The following PLCXD3 variants were observed in gnomAD, a reference collection of about 807,000 sequenced individuals.
PLCXD3 encodes phosphatidylinositol specific phospholipase C X domain containing 3.
A neutral mutation model predicts 25.5 loss-of-function variants in PLCXD3; 19 were observed. The observed-to-expected ratio is 0.75, with a 90% CI of 0.52 to 1.09. PLCXD3 has a LOEUF of 1.09. PLCXD3 is among the 50% of genes least tolerant of loss of function. PLCXD3 has a pLI of 0.00. For synonymous variants in PLCXD3, 174 were observed against 137.6 expected (o/e 1.26, Z -1.85); for missense variants, 411 against 388.1 (o/e 1.06, Z -0.50).
At chr5:41,488,673 T>C (rs1406494217) in intron 1 of PLCXD3, among the ~76,000 whole-genome samples, 3 of 146,976 alleles carry the variant, frequency 2.0e-5, no homozygotes, top group Non-Finnish European at 3.0e-5. Flanking sequence ...ATTTCTCTGA[T>C]GGCCAGTGAT....
At chr5:41,414,229 T>A (rs201451069) in intron 1 of PLCXD3, among the ~76,000 whole-genome samples, 592 of 142,356 alleles carry the variant, frequency 4.2e-3, no homozygotes, top group East Asian at 0.01. Context: ...TTTTTTTTTT[T>A]AATTATTTAT....
At chr5:41,434,957 C>T (rs1747213024) in intron 1 of PLCXD3, among the ~76,000 whole-genome samples, 1 of 152,096 alleles carries the variant, frequency 6.6e-6, no homozygotes, top group Non-Finnish European at 1.5e-5. Context: ...AATTTTAATG[C>T]TAGCACACGC....
intron 1 of PLCXD3, among the ~76,000 whole-genome samples, chr5:41,489,770 T>G (rs2150525144): frequency 6.6e-6 from 1 of 152,002 alleles, no homozygotes; most frequent in African/African-American, 2.4e-5. Flanking sequence ...CTTGTGATTT[T>G]TGTACATTGA....
At chr5:41,343,604 A>C (rs1017133465) in intron 2 of PLCXD3, among the ~76,000 whole-genome samples, 2 of 152,106 alleles carry the variant, frequency 1.3e-5, no homozygotes, top group Non-Finnish European at 2.9e-5. Context: ...GTTTGTGTCT[A>C]CATCTTGAAC....
At chr5:41,316,096 AC>A (rs1276504043) in intron 2 of PLCXD3, among the ~76,000 whole-genome samples, 3 of 151,860 alleles carry the variant, frequency 2.0e-5, no homozygotes, top group East Asian at 1.9e-4. Context: ...TTCAAAAGAG[AC>A]CCCCTTCTTC....
intron 1 of PLCXD3, among the ~76,000 whole-genome samples, chr5:41,467,813 T>C (rs574654739): frequency 6.6e-6 from 1 of 152,248 alleles, no homozygotes; most frequent in East Asian, 1.9e-4. Context: ...ATTGAAGAAA[T>C]AGTCCTGTTC....
At chr5:41,474,626 C>T (rs1476902594) in intron 1 of PLCXD3, among the ~76,000 whole-genome samples, 1 of 152,142 alleles carries the variant, frequency 6.6e-6, no homozygotes, top group Non-Finnish European at 1.5e-5. Flanking sequence ...CCCTGATTCT[C>T]TCACTTCTCC....
intron 2 of PLCXD3, among the ~76,000 whole-genome samples, chr5:41,335,133 A>T (rs1743943737): frequency 6.6e-6 from 1 of 152,192 alleles, no homozygotes; most frequent in South Asian, 2.1e-4. Context: ...TGCACGGGGA[A>T]TTTGGGTACT....
intron 1 of PLCXD3, among the ~76,000 whole-genome samples, chr5:41,387,107 G>A (rs1261164687): frequency 6.6e-6 from 1 of 152,040 alleles, no homozygotes; most frequent in Middle Eastern, 3.2e-3. Context: ...TTGACAGTTA[G>A]TTTGCAGGCC....
intron 2 of PLCXD3, among the ~76,000 whole-genome samples, chr5:41,346,984 A>T (rs147306205): frequency 1.3e-5 from 2 of 152,312 alleles, no homozygotes; most frequent in East Asian, 3.9e-4. Context: ...AGGTTTTTGT[A>T]TGGATATAAG....
At position 41,509,729 on chromosome 5, in the gene PLCXD3, C is replaced by A. The variant is rs80055219; in HGVS notation, c.103+695G>T. 5.7e-3 allele frequency among the ~76,000 whole-genome samples: 872 copies of A among 152,284 alleles called. 5 individuals are homozygous for A. Among genetic ancestry groups the A allele is most frequent in the Non-Finnish European group, 9.5e-3 (644 of 68,028 alleles). ...CAAGGGTTTGCTTTTTTGACCTGGGCGAAGTGTGTTGCCAACACGCACTTG... is the reference window on the plus strand; with the variant it reads ...CAAGGGTTTGCTTTTTTGACCTGGGAGAAGTGTGTTGCCAACACGCACTTG... On this transcript the variant is annotated intron_variant, in intron 1 of 2. Transcript: ENST00000377801.
chr5:41,423,983 T>G (rs111265083), intron 1 of PLCXD3, among the ~76,000 whole-genome samples: 62 of 152,254 alleles, frequency 4.1e-4, no homozygotes, highest in African/African-American at 1.4e-3. Flanking sequence ...TAAGACCAAC[T>G]CTTCAAGCAC....
chr5:41,324,958 T>A (rs1743583247), intron 2 of PLCXD3, among the ~76,000 whole-genome samples: 4 of 152,156 alleles, frequency 2.6e-5, no homozygotes, highest in Admixed American at 2.6e-4. Flanking sequence ...CATGGGAGGT[T>A]CCTGAGCAAC....
At chr5:41,395,671 T>G (rs1166890517) in intron 1 of PLCXD3, among the ~76,000 whole-genome samples, 1 of 152,072 alleles carries the variant, frequency 6.6e-6, no homozygotes, top group Non-Finnish European at 1.5e-5. Flanking sequence ...GCAGCTACTA[T>G]GAGCAACTAT....
chr5:41,411,730 T>G (rs1307605855), intron 1 of PLCXD3, among the ~76,000 whole-genome samples: 1 of 147,076 alleles, frequency 6.8e-6, no homozygotes, highest in Non-Finnish European at 1.5e-5. Flanking sequence ...TTTTTATAAT[T>G]TTATATTTTA....
In PLCXD3 at chr5:41,318,161, C is replaced by T. The variant is rs79808433; in HGVS notation, c.813-4391G>A. Among the ~76,000 whole-genome samples, 1,307 of 152,182 alleles carry T rather than the reference C, an allele frequency of 8.6e-3. 13 individuals are homozygous for T. The highest frequency in any genetic ancestry group is 0.03 in the African/African-American group (1,228 of 41,532). On this transcript the variant is annotated intron_variant, in intron 2 of 2. Coordinates refer to ENST00000377801, the MANE Select transcript of PLCXD3 (RefSeq NM_001005473.3). ...ACAAAAGCTGAGGGATTTCATCAAT[C>T]CCAGACCCGCCCCACAAGAAATGTT...
At chr5:41,476,780 G>A (rs1748292999) in intron 1 of PLCXD3, among the ~76,000 whole-genome samples, 1 of 152,168 alleles carries the variant, frequency 6.6e-6, no homozygotes, top group African/African-American at 2.4e-5. Flanking sequence ...CCAACACAAA[G>A]AGCAATTACT....
At chr5:41,324,647 A>C (rs994264264) in intron 2 of PLCXD3, among the ~76,000 whole-genome samples, 2 of 152,190 alleles carry the variant, frequency 1.3e-5, no homozygotes, top group Non-Finnish European at 2.9e-5. Context: ...AACGACAGAT[A>C]CTGTGACAGT....
At position 41,312,270 on chromosome 5, in the gene PLCXD3, T is replaced by C. The variant is rs1289527421; in HGVS notation, c.*1347A>G. 6.6e-6 allele frequency: 1 copy of C among 152,506 alleles called. No individual in the cohort carries two copies. The highest frequency in any genetic ancestry group is 2.4e-5 in the African/African-American group (1 of 41,424). 9.4% of individuals were successfully genotyped at this position (152,506 alleles called of 1,614,324 possible). Reference sequence around the variant, plus strand: ...TCTCATCCCTCGGATAGGATGAAACTCAGAAGTGAGGAGTCAGAGCCAATT... The same window carrying C: ...TCTCATCCCTCGGATAGGATGAAACCCAGAAGTGAGGAGTCAGAGCCAATT... On this transcript the variant is annotated 3_prime_UTR_variant, in exon 3 of 3. Coordinates refer to ENST00000377801, the MANE Select transcript of PLCXD3 (RefSeq NM_001005473.3).
Sources: allele counts gnomAD v4.1 joint callset (sites outside exome capture counted in the v4.1 genomes callset), GRCh38; gene constraint gnomAD v4.1.1; transcripts MANE v1.5; gene names NCBI Gene and HGNC (gene_info 2026-07-23, HGNC 2026-07-21).